The following ZP3 variants were observed in gnomAD, a reference collection of about 807,000 sequenced individuals.
ZP3 encodes the protein zona pellucida sperm-binding protein 3.
A neutral mutation model predicts 35.6 loss-of-function variants in ZP3; 21 were observed. The ratio of observed to expected loss-of-function variants is 0.59; its 90% CI spans 0.42 to 0.85. ZP3 has a LOEUF of 0.85. ZP3 is among the 40% of genes least tolerant of loss of function. The pLI is 0.00. For missense variants in ZP3, 437 were observed against 536.5 expected (o/e 0.81, Z 1.83); for synonymous variants, 207 against 214.5 (o/e 0.96, Z 0.31).
chr7:76,399,507 C>T (rs1191289036), intron 1 of ZP3, among the ~76,000 whole-genome samples: 1 of 151,974 alleles, frequency 6.6e-6, no homozygotes, highest in African/African-American at 2.4e-5. Flanking sequence ...CCACGTGGAG[C>T]GCATGGCCAG....
chr7:76,437,367 G>C (rs1254213565), intron 5 of ZP3, among the ~76,000 whole-genome samples: 3 of 152,042 alleles, frequency 2.0e-5, no homozygotes, highest in African/African-American at 7.2e-5. Context: ...GTAGAGATGG[G>C]GTTTCACTAT....
chr7:76,440,038 G>A (rs866535889), intron 5 of ZP3: 1 of 594,800 alleles, frequency 1.7e-6, no homozygotes, highest in Admixed American at 3.1e-5. Flanking sequence ...GTAGCGATGG[G>A]GTTTCACCAT....
In ZP3 at chr7:76,398,221, TTTC is replaced by T. The variant is rs1306015355; in HGVS notation, c.-67+432_-67+434del. 5.3e-5 allele frequency among the ~76,000 whole-genome samples: 8 copies of T among 152,110 alleles called. No homozygotes were observed. In the East Asian group the frequency reaches 1.5e-3, roughly 29 times the overall value. On this transcript the variant is annotated intron_variant, in intron 1 of 8. Coordinates refer to the ZP3 transcript ENST00000336517. ...GTCCCTCTTTTAGAGCACTTTTCAT[TTTC>T]TTCTTCTAGTCATGATCATCATTCT... is the stretch of plus-strand genomic sequence containing the variant.
intron 1 of ZP3, chr7:76,409,728 T>C (rs1214274562): frequency 6.5e-6 from 1 of 152,744 alleles, no homozygotes; most frequent in Non-Finnish European, 1.5e-5. Context: ...GCTATGTGGT[T>C]GGGGGAGGCA....
upstream of ZP3, among the ~76,000 whole-genome samples, chr7:76,420,585 A>G (rs1054821928): frequency 5.3e-5 from 8 of 152,162 alleles, no homozygotes; most frequent in African/African-American, 1.9e-4. Context: ...AAGATCTTAC[A>G]TATCTTTTTT....
At chr7:76,420,143 C>T (rs1045457659), upstream of ZP3, among the ~76,000 whole-genome samples, 1 of 151,308 alleles carries the variant, frequency 6.6e-6, no homozygotes, top group Admixed American at 6.6e-5. Context: ...CTTCCTCTTC[C>T]CCTTCCTATT....
intron 1 of ZP3, among the ~76,000 whole-genome samples, chr7:76,405,348 T>TCTTTC (rs1471163670): frequency 1.3e-4 from 15 of 112,436 alleles, no homozygotes; most frequent in African/African-American, 3.8e-4. Context: ...TCTTTTTTTT[T>TCTTTC]TTTTTTTTTT....
At chr7:76,412,132 G>C (rs2108768) in intron 1 of ZP3, among the ~76,000 whole-genome samples, 26,884 of 150,458 alleles carry the variant, frequency 0.18, 2,691 homozygotes, top group South Asian at 0.27. Context: ...AGGCTGCAGT[G>C]AGCTGTGCTT....
At chr7:76,416,237 G>C (rs983064906) in intron 1 of ZP3, among the ~76,000 whole-genome samples, 1 of 151,894 alleles carries the variant, frequency 6.6e-6, no homozygotes. Flanking sequence ...AGACCAGCCT[G>C]GGCAACATGG....
At position 76,433,666 on chromosome 7, in the gene ZP3, G is replaced by A. The variant is rs777369254; in HGVS notation, c.713+19G>A. ...TCCATGGGTGAGCACTGGGCTCCCT[G>A]CCTAGAGAACCTTCCTAGCAAAATG... On this transcript the variant is annotated intron_variant, in intron 4 of 7. Coordinates refer to ENST00000394857, the MANE Select transcript of ZP3 (RefSeq NM_001110354.2). 1.3e-6 allele frequency: 2 copies of A among 1,580,362 alleles called. No individual in the cohort carries two copies.
chr7:76,429,678 G>C lies in ZP3; in HGVS notation c.431+45G>C, dbSNP rs373536215. The stretch of plus-strand genomic sequence containing the variant: ...ATGGCCCCTGGTGCAAAAGCCCCTT[G>C]GGTGTGGCTGCAGGCAAGTGGGCTG... On this transcript the variant is annotated intron_variant, in intron 2 of 7. Transcript: ENST00000394857. The C allele has an allele frequency of 1.9e-6, 3 of 1,557,528 alleles. No homozygotes were observed. The African/African-American group carries it at 4.1e-5, about 21-fold the overall frequency.
At chr7:76,423,242 A>G (rs571890457), upstream of ZP3, among the ~76,000 whole-genome samples, 1 of 151,694 alleles carries the variant, frequency 6.6e-6, no homozygotes, top group East Asian at 1.9e-4. Flanking sequence ...AGAGAGAGAG[A>G]GAGGGAAAGA....
intron 1 of ZP3, among the ~76,000 whole-genome samples, chr7:76,412,155 T>C (rs1805261992): frequency 6.9e-6 from 1 of 144,704 alleles, no homozygotes; most frequent in African/African-American, 2.6e-5. Flanking sequence ...GTCACTGCAC[T>C]CCAGCCTGGG....
chr7:76,435,856 C>T (rs988455834), intron 5 of ZP3, among the ~76,000 whole-genome samples: 5 of 151,470 alleles, frequency 3.3e-5, no homozygotes, highest in African/African-American at 9.7e-5. Flanking sequence ...TCCTGAGTAG[C>T]TGGGATTGTA....
chr7:76,411,836 A>G (rs1014667101), intron 1 of ZP3, among the ~76,000 whole-genome samples: 17 of 152,222 alleles, frequency 1.1e-4, no homozygotes, highest in African/African-American at 4.1e-4. Flanking sequence ...TCTTCACAAA[A>G]AAAACCAGTA....
intron 1 of ZP3, among the ~76,000 whole-genome samples, chr7:76,407,915 A>G (rs773947915): frequency 6.6e-6 from 1 of 152,044 alleles, no homozygotes; most frequent in Non-Finnish European, 1.5e-5. Context: ...AAGCTGGTTT[A>G]GAGGCTGATG....
chr7:76,411,013 A>AAAAAAAAAAAAAAAAAAAG (rs1554623386), intron 1 of ZP3, among the ~76,000 whole-genome samples: 1 of 131,138 alleles, frequency 7.6e-6, no homozygotes, highest in Non-Finnish European at 1.5e-5. Flanking sequence ...AAAAAAAAAA[A>AAAAAAAAAAAAAAAAAAAG]AAAAGAAAAG....
intron 3 of ZP3, 90 bp downstream of exon 3, chr7:76,433,120 T>TGG: frequency 1.9e-6 from 2 of 1,065,250 alleles, no homozygotes; most frequent in Non-Finnish European, 2.7e-6. Flanking sequence ...TTTGTTTGTT[T>TGG]GGTTTTGGTT....
intron 3 of ZP3, 47 bp downstream of exon 3, chr7:76,433,077 A>G (rs377125363): frequency 2.1e-6 from 3 of 1,413,146 alleles, no homozygotes; most frequent in Admixed American, 2.0e-5. Flanking sequence ...GACCTGGGCC[A>G]TCTCAGACCC....
Sources: allele counts gnomAD v4.1 joint callset (sites outside exome capture counted in the v4.1 genomes callset), GRCh38; gene constraint gnomAD v4.1.1; transcripts MANE v1.5; gene names NCBI Gene and HGNC (gene_info 2026-07-23, HGNC 2026-07-21).